CREBBP: variants seen among roughly 807,000 people sequenced by gnomAD.
CREBBP encodes CREB binding lysine acetyltransferase, also known as CREB-binding protein.
CREBBP carries 19 observed loss-of-function variants against 265.0 expected under a neutral mutation model. The observed-to-expected ratio is 0.07, with a 90% CI of 0.05 to 0.11. CREBBP has a LOEUF of 0.11. Among genes scored for constraint, CREBBP ranks in the 10% least tolerant of loss-of-function variants. The pLI, the probability that CREBBP is intolerant of heterozygous loss-of-function variation, is 1.00. For synonymous variants in CREBBP, 1,457 were observed against 1,223.7 expected, an observed-to-expected ratio of 1.19 and a Z score of -3.98; for missense variants, 2,525 against 3,219.0, an observed-to-expected ratio of 0.78 and a Z score of 5.22.
At chr16:3,837,619 AAAT>A (rs1189086314) in intron 2 of CREBBP, among the ~76,000 whole-genome samples, 15 of 151,120 alleles carry the variant, frequency 9.9e-5, no homozygotes, top group Middle Eastern at 3.4e-3. Context: ...GTCTCAAAAA[AAAT>A]AATAATAATA....
intron 11 of CREBBP, 73 bp from the exon 12 acceptor site, chr16:3,774,766 A>G (rs1044561891): frequency 1.3e-6 from 2 of 1,588,232 alleles, no homozygotes; most frequent in African/African-American, 2.7e-5. Flanking sequence ...TGCTAAATAA[A>G]CTCTTAAGTA....
chr16:3,731,653 T>A lies in CREBBP; in HGVS notation c.4890+123A>T. 3 of 1,478,132 alleles carry A rather than the reference T, an allele frequency of 2.0e-6. No homozygotes were observed. The highest frequency in any genetic ancestry group is 2.8e-6 in the Non-Finnish European group (3 of 1,062,270). The allele number at this position is 1,478,132 out of a possible 1,614,324, so 91.6% of individuals were successfully genotyped here. The stretch of plus-strand genomic sequence containing the variant: ...GCATGATGTCACCCAACTGGTCCAC[T>A]TGGTTTCCTGGGGGCCACTTCCCTC... On this transcript the variant is annotated intron_variant, in intron 29 of 30. Coordinates refer to ENST00000262367, the MANE Select transcript of CREBBP (RefSeq NM_004380.3). This position sits in a 1 kb window ranked among gnomAD's most constrained non-coding sequence, Gnocchi z 7.7.
chr16:3,757,533 C>T (rs1185720535), intron 18 of CREBBP, among the ~76,000 whole-genome samples, 157 bp from the exon 19 acceptor site: 2 of 152,120 alleles, frequency 1.3e-5, no homozygotes, highest in Non-Finnish European at 2.9e-5. Flanking sequence ...TTTGGGATAG[C>T]ATGTGATAGA....
chr16:3,740,821 T>TA (rs2052185539), intron 23 of CREBBP: 2 of 476,536 alleles, frequency 4.2e-6, no homozygotes, highest in South Asian at 4.1e-5. Flanking sequence ...AGAAGACCTA[T>TA]AGCGGTGGGT....
chr16:3,823,619 C>T (rs1450660384), intron 2 of CREBBP, among the ~76,000 whole-genome samples: 1 of 152,132 alleles, frequency 6.6e-6, no homozygotes, highest in Non-Finnish European at 1.5e-5. Flanking sequence ...TCAGACATCC[C>T]ACGTTTGGCT....
chr16:3,732,066 C>A, intron 28 of CREBBP, 129 bp from the exon 29 acceptor site: 2 of 1,545,636 alleles, frequency 1.3e-6, no homozygotes, highest in Admixed American at 3.3e-5. Context: ...AGACCCCATA[C>A]GTGAACGGCT....
At position 3,850,578 on chromosome 16, in the gene CREBBP, G is replaced by T; in HGVS notation, c.517C>A (p.Pro173Thr). 6.2e-7 allele frequency: 1 copy of T among 1,614,254 alleles called. No individual in the cohort carries two copies. The change falls in exon 2 of 31, where the codon CCT becomes ACT. Residue 173 changes from proline (P) to threonine (T), a missense_variant. Pro to Thr is a conservative substitution (Grantham distance 38, BLOSUM62 -1). Transcript: ENST00000262367. ...AAGTTAGCATTCATGCAGATACCAG[G>T]TCCAGTCTGTGACGTGGCAGGGCTG... The part of the protein sequence containing the change: ...TSSPATSQTG[P>T]GICMNANFNQ...
intron 1 of CREBBP, among the ~76,000 whole-genome samples, chr16:3,852,587 A>G (rs1476067681): frequency 6.6e-6 from 1 of 152,216 alleles, no homozygotes; most frequent in African/African-American, 2.4e-5. Flanking sequence ...ACATACACAG[A>G]AACTACAAAG....
At chr16:3,866,478 T>C (rs2055180676) in intron 1 of CREBBP, among the ~76,000 whole-genome samples, 1 of 152,180 alleles carries the variant, frequency 6.6e-6, no homozygotes, top group South Asian at 2.1e-4. Context: ...TCTAAAGGTT[T>C]TGCAACAGGA....
At chr16:3,756,579 G>A (rs1395018930) in intron 19 of CREBBP, among the ~76,000 whole-genome samples, 2 of 152,126 alleles carry the variant, frequency 1.3e-5, no homozygotes, top group Non-Finnish European at 2.9e-5. Context: ...CTTATAATAG[G>A]AGGCAACAGA....
chr16:3,834,735 A>G (rs745750680), intron 2 of CREBBP, among the ~76,000 whole-genome samples: 12 of 152,220 alleles, frequency 7.9e-5, no homozygotes, highest in Admixed American at 1.3e-4. Flanking sequence ...CATTCTAGAC[A>G]GCGGAGTTGG....
chr16:3,846,545 G>C (rs192469032), intron 2 of CREBBP, among the ~76,000 whole-genome samples: 1 of 152,254 alleles, frequency 6.6e-6, no homozygotes, highest in Non-Finnish European at 1.5e-5. Flanking sequence ...AAAATACTGG[G>C]AATAACCTAA....
intron 2 of CREBBP, among the ~76,000 whole-genome samples, chr16:3,842,532 T>TA (rs1017487148): frequency 6.6e-6 from 1 of 152,168 alleles, no homozygotes; most frequent in Non-Finnish European, 1.5e-5. Context: ...GTTTTTTCTT[T>TA]AAAAAACTCT....
At chr16:3,824,538 T>C (rs1488176384) in intron 2 of CREBBP, among the ~76,000 whole-genome samples, 3 of 152,194 alleles carry the variant, frequency 2.0e-5, no homozygotes, top group Non-Finnish European at 4.4e-5. Context: ...CAGAAGAGCA[T>C]CACTCATAAC....
chr16:3,742,246 A>G (rs1462354069), intron 23 of CREBBP: 1 of 152,276 alleles, frequency 6.6e-6, no homozygotes, highest in Non-Finnish European at 1.5e-5. Context: ...GGCCGTGCTC[A>G]CTGCGGTGCA....
intron 1 of CREBBP, among the ~76,000 whole-genome samples, chr16:3,856,298 T>C (rs1766590447): frequency 6.6e-6 from 1 of 152,096 alleles, no homozygotes; most frequent in Non-Finnish European, 1.5e-5. Context: ...TCATTTTTTA[T>C]TTTATTTTTA....
chr16:3,857,772 C>T (rs2054994201), intron 1 of CREBBP, among the ~76,000 whole-genome samples: 1 of 152,240 alleles, frequency 6.6e-6, no homozygotes. Flanking sequence ...GCCTGTCATA[C>T]TTCCATAGCT....
chr16:3,758,706 G>C, intron 17 of CREBBP, 148 bp downstream of exon 17: 1 of 719,752 alleles, frequency 1.4e-6, no homozygotes, highest in South Asian at 1.6e-5. Flanking sequence ...CACTTTCACT[G>C]ATAACTGTTA....
intron 16 of CREBBP, among the ~76,000 whole-genome samples, chr16:3,760,832 A>G (rs2052699897): frequency 6.6e-6 from 1 of 151,672 alleles, no homozygotes; most frequent in Admixed American, 6.6e-5. Context: ...ATCTTGTCAT[A>G]TCACTATGTT....
Sources: gnomAD v4.1 joint callset for allele counts (sites outside exome capture counted in the v4.1 genomes callset) on GRCh38, gnomAD v4.1.1 for gene constraint, Gnocchi (gnomAD v3.1) non-coding constraint, MANE v1.5 for transcripts, NCBI Gene and HGNC (gene_info 2026-07-23, HGNC 2026-07-21) for gene names.